DBNDD1: variants seen among roughly 807,000 people sequenced by gnomAD.
The protein encoded by DBNDD1 is dysbindin domain-containing protein 1.
Under a neutral mutation model 17.0 loss-of-function variants are expected in DBNDD1, and 14 were observed. The ratio of observed to expected loss-of-function variants is 0.82; its 90% CI spans 0.54 to 1.29. DBNDD1 has a LOEUF of 1.29. DBNDD1 is among the 50% of genes most tolerant of loss of function. The probability of loss-of-function intolerance (pLI) is 0.00; values close to 1 mark genes in which losing one functional copy is unlikely to be tolerated. For synonymous variants in DBNDD1, 105 were observed against 102.0 expected (o/e 1.03, Z -0.18); for missense variants, 221 against 216.2 (o/e 1.02, Z -0.14).
At chr16:90,011,844 A>C (rs1597581236) in intron 1 of DBNDD1, 1 of 318,016 alleles carries the variant, frequency 3.1e-6, no homozygotes, top group South Asian at 2.4e-5. Flanking sequence ...GAGCAGGGGG[A>C]CCTCCCGGAC....
chr16:90,019,159 GGAGGTGCCCCTGGCCCGCC>G lies in DBNDD1; in HGVS notation c.31+133_31+151del. 1 of 348,164 alleles carries G rather than the reference GGAGGTGCCCCTGGCCCGCC, an allele frequency of 2.9e-6. No homozygotes were observed. Among genetic ancestry groups the G allele is most frequent in the East Asian group, 4.4e-5 (1 of 22,836 alleles). The allele number at this position is 348,164 out of a possible 1,614,324, so 21.6% of individuals were successfully genotyped here. On this transcript the variant is annotated intron_variant, in intron 1 of 3. Coordinates refer to ENST00000002501, the MANE Select transcript of DBNDD1 (RefSeq NM_001042610.3). The surrounding 1 kb of genome is among the most constrained non-coding windows in gnomAD (Gnocchi z 6.1). ...CAGCCCCGCGCGGGGACCGCGCCCG[GGAGGTGCCCCTGGCCCGCC>G]GGACGACCCCGAGCTGCCAAAGGGG...
intron 3 of DBNDD1, among the ~76,000 whole-genome samples, chr16:90,008,092 A>C (rs112122193): frequency 5.6e-5 from 4 of 71,224 alleles, no homozygotes; most frequent in Non-Finnish European, 5.5e-5. Flanking sequence ...GCCTCAGCCC[A>C]CCACACACAC....
intron 1 of DBNDD1, chr16:90,011,472 C>G (rs2035553986): frequency 2.9e-6 from 1 of 348,064 alleles, no homozygotes; most frequent in South Asian, 2.2e-5. Flanking sequence ...TGGTTGTGGG[C>G]AGGTGGCCTG....
rs1194793313 is a variant in DBNDD1 at position 90,019,217 on chromosome 16, C to A, written c.31+94G>T. ...CTGCCAAAGGGGTCTTCGCGACTCC[C>A]GGGAGCGGCGAAGGGTGAGCCCTGG... On this transcript the variant is annotated intron_variant, in intron 1 of 3. Coordinates refer to ENST00000002501, the MANE Select transcript of DBNDD1 (RefSeq NM_001042610.3). This position sits in a 1 kb window ranked among gnomAD's most constrained non-coding sequence, Gnocchi z 6.1. 1 of 617,624 alleles carries A rather than the reference C, an allele frequency of 1.6e-6. No individual in the cohort carries two copies. The highest frequency in any genetic ancestry group is 7.9e-5 in the South Asian group (1 of 12,614). The allele number at this position is 617,624 out of a possible 1,614,324, so 38.3% of individuals were successfully genotyped here. A position where few individuals can be genotyped will look rare whatever the true frequency, so the allele number is the denominator to read the frequency against.
At chr16:90,011,350 A>G (rs1353655491) in intron 1 of DBNDD1, among the ~76,000 whole-genome samples, 2 of 152,046 alleles carry the variant, frequency 1.3e-5, no homozygotes, top group African/African-American at 4.8e-5. Context: ...GTGCACCCCC[A>G]CCCCTCCCCA....
chr16:90,019,348 G>T lies in DBNDD1; in HGVS notation c.-7C>A. 1 of 1,217,070 alleles carries T rather than the reference G, an allele frequency of 8.2e-7. No homozygotes were observed. The highest frequency in any genetic ancestry group is 1.0e-6 in the Non-Finnish European group (1 of 978,254). 75.4% of individuals were successfully genotyped at this position (1,217,070 alleles called of 1,614,324 possible). On this transcript the variant is annotated 5_prime_UTR_variant, in exon 1 of 4. Transcript: ENST00000002501. The surrounding 1 kb of genome is among the most constrained non-coding windows in gnomAD (Gnocchi z 6.1). ...CGCCCTCCGGGGGCTCCATGCGGCC[G>T]GTGCGGTCTGGGAGGGGCACGGGCG...
chr16:90,010,901 A>G (rs909002437), intron 1 of DBNDD1, among the ~76,000 whole-genome samples: 1 of 152,136 alleles, frequency 6.6e-6, no homozygotes, highest in South Asian at 2.1e-4. Flanking sequence ...CTGTGGGTCT[A>G]TCTCTCAGGG....
intron 3 of DBNDD1, chr16:90,006,834 A>G (rs142575635): frequency 2.4e-5 from 6 of 246,804 alleles, no homozygotes; most frequent in East Asian, 1.5e-4. Context: ...ACCTCAGCCA[A>G]CCACCCTCCA....
intron 1 of DBNDD1, chr16:90,011,534 G>T: frequency 2.5e-6 from 1 of 395,662 alleles, no homozygotes; most frequent in African/African-American, 2.0e-5. Context: ...TGGCCTGACA[G>T]TGTCCCCTCG....
chr16:90,009,517 C>G (rs774428896), intron 1 of DBNDD1, 87 bp from the exon 2 acceptor site: 14 of 1,564,588 alleles, frequency 8.9e-6, no homozygotes, highest in Non-Finnish European at 1.2e-5. Context: ...GGACTTGGCA[C>G]ATCCAGTCCT....
At chr16:90,015,126 T>G (rs1389022622) in intron 1 of DBNDD1, among the ~76,000 whole-genome samples, 1 of 152,152 alleles carries the variant, frequency 6.6e-6, no homozygotes, top group Non-Finnish European at 1.5e-5. Flanking sequence ...CCACCAGGTG[T>G]CTAGTCTGGT....
At chr16:90,010,616 A>G (rs1262867570) in intron 1 of DBNDD1, among the ~76,000 whole-genome samples, 2 of 149,830 alleles carry the variant, frequency 1.3e-5, no homozygotes, top group Non-Finnish European at 3.0e-5. Flanking sequence ...GGCATGAGCC[A>G]CCGTGCCTGG....
intron 1 of DBNDD1, among the ~76,000 whole-genome samples, chr16:90,016,756 C>T (rs1464997803): frequency 6.6e-6 from 1 of 152,224 alleles, no homozygotes; most frequent in Non-Finnish European, 1.5e-5. Context: ...GGCCCAAATC[C>T]TGTTCCCTGT....
At chr16:90,012,262 C>A (rs2035567338) in intron 1 of DBNDD1, among the ~76,000 whole-genome samples, 1 of 152,182 alleles carries the variant, frequency 6.6e-6, no homozygotes, top group Non-Finnish European at 1.5e-5. Context: ...GGATGTACGT[C>A]ACCGGCCAGG....
At chr16:90,017,296 T>C (rs1019033879) in intron 1 of DBNDD1, among the ~76,000 whole-genome samples, 11 of 152,176 alleles carry the variant, frequency 7.2e-5, no homozygotes, top group African/African-American at 2.6e-4. Context: ...GAGATCGAGA[T>C]CATCCTGGCT....
At chr16:90,017,294 G>C (rs2035655862) in intron 1 of DBNDD1, among the ~76,000 whole-genome samples, 1 of 152,222 alleles carries the variant, frequency 6.6e-6, no homozygotes, top group Non-Finnish European at 1.5e-5. Flanking sequence ...AGGAGATCGA[G>C]ATCATCCTGG....
At chr16:90,012,185 C>T (rs527709259) in intron 1 of DBNDD1, among the ~76,000 whole-genome samples, 11 of 152,340 alleles carry the variant, frequency 7.2e-5, no homozygotes, top group Admixed American at 5.9e-4. Context: ...ACAGAGCAGG[C>T]GCTGTCCCTC....
intron 2 of DBNDD1, 135 bp downstream of exon 2, chr16:90,009,149 G>A: frequency 1.5e-6 from 2 of 1,364,850 alleles, no homozygotes; most frequent in Non-Finnish European, 2.0e-6. Context: ...AACCAGAGCT[G>A]CAAGAGCCTA....
rs377278023 is a variant in DBNDD1, at chr16:90,009,389, C to T, written c.73G>A (p.Val25Ile). 70 of 1,612,948 alleles carry T rather than the reference C, an allele frequency of 4.3e-5. 1 individual carries two copies. In the Middle Eastern group the frequency reaches 4.9e-4, roughly 11 times the overall value. ...TTGTCCCCTGTCCCCTGGGCTGGGACGCCCAGCGCAGCCTGCGGCACCTCA... is the reference window on the plus strand; with the variant it reads ...TTGTCCCCTGTCCCCTGGGCTGGGATGCCCAGCGCAGCCTGCGGCACCTCA... Reference protein sequence around the residue: ...EAEVPQAALGVPAQGTGDNGH... With the variant: ...EAEVPQAALGIPAQGTGDNGH... Residue 25 changes from valine to isoleucine, a missense_variant, in exon 2 of 4, where the codon GTC (valine) becomes ATC (isoleucine). Val to Ile is a conservative substitution (Grantham distance 29, BLOSUM62 3). Transcript: ENST00000002501.
Sources: allele counts gnomAD v4.1 joint callset (sites outside exome capture counted in the v4.1 genomes callset), GRCh38; gene constraint gnomAD v4.1.1; non-coding constraint Gnocchi (gnomAD v3.1); transcripts MANE v1.5; gene names NCBI Gene and HGNC (gene_info 2026-07-23, HGNC 2026-07-21).